MTUS2: variants seen among roughly 807,000 people sequenced by gnomAD.
MTUS2 encodes the protein microtubule associated scaffold protein 2.
A neutral mutation model predicts 114.1 loss-of-function variants in MTUS2; 40 were observed. That is an observed-to-expected ratio of 0.35 (90% confidence interval 0.27 to 0.46). The LOEUF (loss-of-function observed/expected upper bound fraction) is 0.46, where lower values mean the gene tolerates loss of function less well. Among genes scored for constraint, MTUS2 ranks in the 20% least tolerant of loss-of-function variants. The pLI is 1.00. For synonymous variants in MTUS2, 688 were observed against 672.0 expected (o/e 1.02, Z -0.37); for missense variants, 1,679 against 1,705.4 (o/e 0.98, Z 0.27).
At chr13:28,846,057 T>A (rs200446256) in intron 2 of MTUS2, among the ~76,000 whole-genome samples, 6,143 of 126,082 alleles carry the variant, frequency 0.049, 147 homozygotes, top group Non-Finnish European at 0.061. Context: ...AAAAAAAAAA[T>A]ATATATATAT....
At chr13:28,949,114 C>G (rs1882682562) in intron 2 of MTUS2, among the ~76,000 whole-genome samples, 1 of 152,030 alleles carries the variant, frequency 6.6e-6, no homozygotes, top group South Asian at 2.1e-4. Context: ...GTTTTTCAAT[C>G]TTTGTTGCAC....
Position 29,307,426 on chromosome 13 carries a change from G to A in MTUS2, c.2807-17187G>A, listed in dbSNP as rs1899526263. On this transcript the variant is annotated intron_variant, in intron 6 of 15. Coordinates refer to ENST00000612955, the MANE Select transcript of MTUS2 (RefSeq NM_001033602.4). ...TGCCCCTAGTGACGCTGCCAAGGCT[G>A]TGGCCAAGGTCATCCCTGAGCTGAA... is the stretch of plus-strand genomic sequence containing the variant. 9 of 1,271,474 alleles carry A rather than the reference G, an allele frequency of 7.1e-6. No homozygotes were observed. In the African/African-American group the frequency reaches 1.0e-4, roughly 14 times the overall value. 78.8% of individuals were successfully genotyped at this position (1,271,474 alleles called of 1,614,324 possible).
intron 5 of MTUS2, among the ~76,000 whole-genome samples, chr13:29,138,725 A>C (rs769381346): frequency 1.8e-4 from 27 of 148,644 alleles, no homozygotes; most frequent in Non-Finnish European, 3.6e-4. Flanking sequence ...ATGATAAATA[A>C]ATTTTTTCTT....
At chr13:29,122,833 C>A (rs1375159484) in intron 5 of MTUS2, among the ~76,000 whole-genome samples, 1 of 152,160 alleles carries the variant, frequency 6.6e-6, no homozygotes, top group Non-Finnish European at 1.5e-5. Context: ...CTGTCCGTAT[C>A]ACTGGCTCTC....
intron 8 of MTUS2, among the ~76,000 whole-genome samples, chr13:29,365,781 T>G (rs1251468890): frequency 6.6e-6 from 1 of 152,148 alleles, no homozygotes; most frequent in Non-Finnish European, 1.5e-5. Flanking sequence ...CACTCAACCT[T>G]TCTAGACCCA....
chr13:28,857,309 A>C (rs1034286757), intron 2 of MTUS2, among the ~76,000 whole-genome samples: 5 of 152,204 alleles, frequency 3.3e-5, no homozygotes, highest in African/African-American at 1.2e-4. Flanking sequence ...CGTCTTTTTA[A>C]AAATCTGAAA....
intron 5 of MTUS2, among the ~76,000 whole-genome samples, chr13:29,162,913 A>G (rs916579405): frequency 6.6e-6 from 1 of 152,224 alleles, no homozygotes; most frequent in Non-Finnish European, 1.5e-5. Flanking sequence ...GTGGGCTGCA[A>G]ATGGGCAGTG....
At chr13:29,403,035 C>A (rs960351881) in intron 8 of MTUS2, among the ~76,000 whole-genome samples, 1 of 152,142 alleles carries the variant, frequency 6.6e-6, no homozygotes, top group Admixed American at 6.5e-5. Flanking sequence ...GCGCCCAGCC[C>A]CAGTACTTAA....
chr13:28,899,283 G>A (rs1207927803), intron 2 of MTUS2, among the ~76,000 whole-genome samples: 1 of 152,156 alleles, frequency 6.6e-6, no homozygotes, highest in Non-Finnish European at 1.5e-5. Context: ...TCTGTATATC[G>A]TGAACTGTAA....
rs1293730506 is a variant in MTUS2 at position 29,504,419 on chromosome 13, G to A, written c.*1213G>A. 4.3e-6 allele frequency: 1 copy of A among 231,926 alleles called. No homozygotes were observed. Among genetic ancestry groups the A allele is most frequent in the Non-Finnish European group, 8.5e-6 (1 of 117,344 alleles). The allele number at this position is 231,926 out of a possible 1,614,324, so 14.4% of individuals were successfully genotyped here. The stretch of plus-strand genomic sequence containing the variant: ...AAAAAAAAAACACCATTTCTGTCCC[G>A]GGGGACCAGTTCTGAGCTGTGCTAG... On this transcript the variant is annotated 3_prime_UTR_variant, in exon 16 of 16. Coordinates refer to ENST00000612955, the MANE Select transcript of MTUS2 (RefSeq NM_001033602.4).
chr13:29,000,423 C>T (rs143136025), intron 2 of MTUS2, among the ~76,000 whole-genome samples: 121 of 152,046 alleles, frequency 8.0e-4, no homozygotes, highest in African/African-American at 2.6e-3. Flanking sequence ...AGTGCAGTGG[C>T]GTGATCTCAG....
Position 29,317,588 on chromosome 13 carries a change from G to A in MTUS2, c.2807-7025G>A, listed in dbSNP as rs1436715358. ...CGAGTAGCTGGGACTACAGGCGCCCGCCACCGCGCCCGGCTAATTTTTTGT... is the reference window on the plus strand; with the variant it reads ...CGAGTAGCTGGGACTACAGGCGCCCACCACCGCGCCCGGCTAATTTTTTGT... On this transcript the variant is annotated intron_variant, in intron 6 of 15. Transcript: ENST00000612955. Among the ~76,000 whole-genome samples, 169 of 44,130 alleles carry A rather than the reference G, an allele frequency of 3.8e-3. 57 individuals carry two copies. The highest frequency in any genetic ancestry group is 9.4e-3 in the African/African-American group (160 of 16,956). The allele number at this position is 44,130 out of a possible 152,430, so 29.0% of individuals were successfully genotyped here. A position where few individuals can be genotyped will look rare whatever the true frequency, so the allele number is the denominator to read the frequency against.
rs578255732 is a variant in MTUS2 at position 28,828,566 on chromosome 13, T to C, written c.-316+7955T>C. ...ATTATTAATTTGGGGAACTAATAAA[T>C]GTCCATGAAATCTTTACAATTTATG... On this transcript the variant is annotated intron_variant, in intron 1 of 15. Transcript: ENST00000612955. Among the ~76,000 whole-genome samples the C allele has an allele frequency of 2.6e-5, 4 of 152,308 alleles. No homozygotes were observed. In the South Asian group the frequency reaches 8.3e-4, roughly 32 times the overall value.
intron 12 of MTUS2, among the ~76,000 whole-genome samples, chr13:29,495,047 G>C (rs1312204006): frequency 2.0e-5 from 3 of 151,800 alleles, no homozygotes. Flanking sequence ...AGCTGGACGT[G>C]GTGGTGCATG....
intron 4 of MTUS2, among the ~76,000 whole-genome samples, chr13:29,089,163 C>G (rs1447580629): frequency 6.6e-6 from 1 of 152,162 alleles, no homozygotes; most frequent in Non-Finnish European, 1.5e-5. Context: ...AACAATTTTC[C>G]CTAGAATTTG....
chr13:29,403,837 C>T (rs765521391), intron 8 of MTUS2, among the ~76,000 whole-genome samples: 3 of 152,120 alleles, frequency 2.0e-5, no homozygotes, highest in Non-Finnish European at 4.4e-5. Context: ...TTCTTTCGAT[C>T]CATCTATCTC....
chr13:28,845,660 GT>G (rs572392073), intron 2 of MTUS2, among the ~76,000 whole-genome samples: 193 of 142,642 alleles, frequency 1.4e-3, no homozygotes, highest in South Asian at 3.1e-3. Flanking sequence ...TGTTTTGTTT[GT>G]TTTTTTTTTT....
chr13:29,016,605 A>G (rs1326826387), intron 2 of MTUS2, among the ~76,000 whole-genome samples: 1 of 152,034 alleles, frequency 6.6e-6, no homozygotes, highest in African/African-American at 2.4e-5. Context: ...ACTCATGTAT[A>G]TATTCTTCTT....
In MTUS2 at chr13:29,071,409, A is replaced by ATTTTTTTTTTTTTTTTTTTTTTTTT. The variant is rs751020009; in HGVS notation, c.2447-29354_2447-29330dup. Among the ~76,000 whole-genome samples, 27 of 46,142 alleles carry ATTTTTTTTTTTTTTTTTTTTTTTTT rather than the reference A, an allele frequency of 5.9e-4. 5 individuals carry two copies. Among genetic ancestry groups the ATTTTTTTTTTTTTTTTTTTTTTTTT allele is most frequent in the East Asian group, 9.0e-4 (1 of 1,106 alleles). The allele number at this position is 46,142 out of a possible 152,430, so 30.3% of individuals were successfully genotyped here. A position where few individuals can be genotyped will look rare whatever the true frequency, so the allele number is the denominator to read the frequency against. On this transcript the variant is annotated intron_variant, in intron 4 of 15. Transcript: ENST00000612955. ...TTTAAAAGATCTCTATGTTGCTTGA[A>ATTTTTTTTTTTTTTTTTTTTTTTTT]TTTTTTTTTTTTTTTTTTTTTTTTT...
Sources: gnomAD v4.1 joint callset for allele counts (sites outside exome capture counted in the v4.1 genomes callset) on GRCh38, gnomAD v4.1.1 for gene constraint, MANE v1.5 for transcripts, NCBI Gene and HGNC (gene_info 2026-07-23, HGNC 2026-07-21) for gene names.